Variants in TRMT11 observed in about 807,000 individuals in gnomAD.
TRMT11 encodes the protein tRNA (guanine(10)-N(2))-methyltransferase TRMT11.
A neutral mutation model predicts 62.8 loss-of-function variants in TRMT11; 53 were observed. The ratio of observed to expected loss-of-function variants is 0.84; its 90% CI spans 0.68 to 1.06. The LOEUF (loss-of-function observed/expected upper bound fraction) is 1.06, where lower values mean the gene tolerates loss of function less well. TRMT11 is among the 50% of genes least tolerant of loss of function. The pLI is 0.00. For synonymous variants in TRMT11, 188 were observed against 190.3 expected (o/e 0.99, Z 0.10); for missense variants, 556 against 553.4 (o/e 1.00, Z -0.05).
intron 21 of TRMT11, among the ~76,000 whole-genome samples, chr6:126,133,767 T>G (rs187959422): frequency 1.1e-3 from 174 of 152,078 alleles, no homozygotes; most frequent in African/African-American, 4.1e-3. Context: ...GGGTGAGAGA[T>G]AAAGCCCTTC....
chr6:126,162,751 G>A (rs1317515159), intron 21 of TRMT11, among the ~76,000 whole-genome samples: 4 of 152,262 alleles, frequency 2.6e-5, no homozygotes, highest in Non-Finnish European at 5.9e-5. Flanking sequence ...GCAGTGGTTT[G>A]TAGTATTCCT....
intron 21 of TRMT11, among the ~76,000 whole-genome samples, chr6:126,158,611 TAGG>T (rs1409333995): frequency 6.6e-6 from 1 of 152,220 alleles, no homozygotes; most frequent in Non-Finnish European, 1.5e-5. Flanking sequence ...GTCAGGCAAA[TAGG>T]AGACAAGCTT....
chr6:126,100,698 G>A (rs893366585), intron 17 of TRMT11, among the ~76,000 whole-genome samples: 1 of 152,202 alleles, frequency 6.6e-6, no homozygotes, highest in Non-Finnish European at 1.5e-5. Context: ...TTTGTGGAAG[G>A]TAATTTTTCC....
At chr6:126,166,655 T>G (rs1434230241) in intron 21 of TRMT11, among the ~76,000 whole-genome samples, 1 of 152,242 alleles carries the variant, frequency 6.6e-6, no homozygotes, top group Non-Finnish European at 1.5e-5. Flanking sequence ...GGAGATCCAC[T>G]GCTCTCTTCA....
chr6:126,044,372 C>T (rs975795864), intron 16 of TRMT11, among the ~76,000 whole-genome samples: 22 of 152,078 alleles, frequency 1.4e-4, no homozygotes, highest in Non-Finnish European at 2.5e-4. Flanking sequence ...TGTAGATATG[C>T]GGCATTATTT....
intron 17 of TRMT11, among the ~76,000 whole-genome samples, chr6:126,059,045 C>CTTTTTTTTTT (rs1036996695): frequency 2.3e-5 from 3 of 128,130 alleles, no homozygotes; most frequent in Non-Finnish European, 3.2e-5. Flanking sequence ...CTCTACTTAT[C>CTTTTTTTTTT]TTTTTTTTTT....
In TRMT11 at chr6:125,999,598, C is replaced by T; in HGVS notation, c.664C>T (p.Pro222Ser). The T allele has an allele frequency of 6.2e-7, 1 of 1,608,844 alleles. No individual in the cohort carries two copies. Among genetic ancestry groups the T allele is most frequent in the Non-Finnish European group, 8.5e-7 (1 of 1,177,310 alleles). Residue 222 changes from proline to serine, a missense_variant, in exon 7 of 13, where the codon CCA (proline) becomes TCA (serine). Transcript: ENST00000334379. ...KVKENDIVFD[P>S]FVGTGGLLIA... ...GAAAGAAAATGATATTGTCTTTGATCCATTTGTTGGAACAGGTATTTTTAT... is the reference window on the plus strand; with the variant it reads ...GAAAGAAAATGATATTGTCTTTGATTCATTTGTTGGAACAGGTATTTTTAT...
chr6:126,136,449 A>G (rs1777851167), intron 21 of TRMT11, among the ~76,000 whole-genome samples: 1 of 151,788 alleles, frequency 6.6e-6, no homozygotes, highest in Non-Finnish European at 1.5e-5. Flanking sequence ...AAATTTAACC[A>G]AAGATGTGAA....
chr6:126,174,009 G>C (rs1778358094), upstream of TRMT11, among the ~76,000 whole-genome samples: 1 of 152,190 alleles, frequency 6.6e-6, no homozygotes, highest in Admixed American at 6.5e-5. Flanking sequence ...GCTGCTCAAA[G>C]TGTGTTCCTA....
intron 21 of TRMT11, among the ~76,000 whole-genome samples, chr6:126,151,905 C>CTTTCTT (rs377099601): frequency 0.034 from 2,772 of 80,352 alleles, 330 homozygotes; most frequent in Non-Finnish European, 0.035. Context: ...TCTTTCTTTT[C>CTTTCTT]TCTTTCTTTC....
intron 17 of TRMT11, among the ~76,000 whole-genome samples, chr6:126,072,395 GGT>G (rs1776884475): frequency 6.6e-6 from 1 of 152,058 alleles, no homozygotes; most frequent in African/African-American, 2.4e-5. Context: ...AAAGGAAATC[GGT>G]GTTATTTCTG....
At chr6:126,084,472 T>G (rs1386972353) in intron 17 of TRMT11, among the ~76,000 whole-genome samples, 2 of 152,190 alleles carry the variant, frequency 1.3e-5, no homozygotes, top group Admixed American at 6.6e-5. Context: ...TTTATAAATT[T>G]TGGAATATTA....
the TRMT11 span, among the ~76,000 whole-genome samples, chr6:126,260,169 G>T: frequency 6.6e-6 from 1 of 151,998 alleles, no homozygotes; most frequent in Non-Finnish European, 1.5e-5. Flanking sequence ...ATACCTTTGT[G>T]GTTTGGTGTG....
At chr6:126,014,481 C>G (rs964706075) in intron 11 of TRMT11, among the ~76,000 whole-genome samples, 1 of 152,128 alleles carries the variant, frequency 6.6e-6, no homozygotes, top group Non-Finnish European at 1.5e-5. Flanking sequence ...GAACTCCTGA[C>G]CTCATGATCC....
intron 21 of TRMT11, among the ~76,000 whole-genome samples, chr6:126,156,143 T>C (rs1778118753): frequency 6.6e-6 from 1 of 152,346 alleles, no homozygotes; most frequent in East Asian, 1.9e-4. Context: ...TCTGCCCTTG[T>C]GGCTTTGTAG....
intron 1 of TRMT11, among the ~76,000 whole-genome samples, chr6:126,190,791 A>G (rs1472030109): frequency 2.0e-5 from 3 of 152,020 alleles, no homozygotes; most frequent in African/African-American, 7.3e-5. Flanking sequence ...TTTTATGACT[A>G]AATAATATCC....
intron 12 of TRMT11, among the ~76,000 whole-genome samples, chr6:126,025,767 T>A (rs1283659137): frequency 6.6e-6 from 1 of 152,204 alleles, no homozygotes; most frequent in Non-Finnish European, 1.5e-5. Flanking sequence ...ACTGTTAGTT[T>A]TAGATTTTTA....
intron 17 of TRMT11, among the ~76,000 whole-genome samples, chr6:126,111,542 A>G (rs1357820664): frequency 6.6e-6 from 1 of 152,110 alleles, no homozygotes; most frequent in Non-Finnish European, 1.5e-5. Flanking sequence ...CCAGCACCAG[A>G]TCACCTCTTA....
the TRMT11 span, among the ~76,000 whole-genome samples, chr6:126,246,889 C>G: frequency 6.6e-6 from 1 of 152,114 alleles, no homozygotes; most frequent in Non-Finnish European, 1.5e-5. Flanking sequence ...TGATTAGTTT[C>G]TGGAAGATAG....
Sources: allele counts gnomAD v4.1 joint callset (sites outside exome capture counted in the v4.1 genomes callset), GRCh38; gene constraint gnomAD v4.1.1; transcripts MANE v1.5; gene names NCBI Gene and HGNC (gene_info 2026-07-23, HGNC 2026-07-21).